PTPRM: variants seen among roughly 807,000 people sequenced by gnomAD.
PTPRM encodes the protein protein tyrosine phosphatase receptor type M, also known as receptor-type tyrosine-protein phosphatase mu.
A neutral mutation model predicts 186.7 loss-of-function variants in PTPRM; 47 were observed. The observed-to-expected ratio is 0.25, with a 90% CI of 0.20 to 0.32. The LOEUF (loss-of-function observed/expected upper bound fraction) is 0.32. PTPRM is among the 10% of genes least tolerant of loss of function. The pLI is 1.00. For synonymous variants in PTPRM, 668 were observed against 674.9 expected, an observed-to-expected ratio of 0.99 and a Z score of 0.16; for missense variants, 1,494 against 1,865.0, an observed-to-expected ratio of 0.80 and a Z score of 3.66.
At chr18:8,323,475 T>C (rs2095357984) in intron 22 of PTPRM, among the ~76,000 whole-genome samples, 1 of 152,206 alleles carries the variant, frequency 6.6e-6, no homozygotes, top group Non-Finnish European at 1.5e-5. Context: ...TGAAAATACA[T>C]GTTAATTATT....
intron 23 of PTPRM, among the ~76,000 whole-genome samples, chr18:8,351,427 C>T (rs1339945030): frequency 1.3e-5 from 2 of 152,190 alleles, no homozygotes; most frequent in African/African-American, 4.8e-5. Context: ...GTAAGGATTA[C>T]AGAATAAATT....
chr18:8,373,868 G>T (rs1453654465), intron 24 of PTPRM, among the ~76,000 whole-genome samples: 1 of 146,778 alleles, frequency 6.8e-6, no homozygotes, highest in Non-Finnish European at 1.5e-5. Flanking sequence ...CTGGGCAACA[G>T]AATGAGACCC....
At chr18:8,091,598 T>C (rs947674453) in intron 11 of PTPRM, among the ~76,000 whole-genome samples, 1 of 151,880 alleles carries the variant, frequency 6.6e-6, no homozygotes, top group Non-Finnish European at 1.5e-5. Flanking sequence ...TTTTTTTTTT[T>C]TTTTTTGCAG....
intron 1 of PTPRM, among the ~76,000 whole-genome samples, chr18:7,759,293 G>A (rs2041657818): frequency 6.6e-6 from 1 of 152,182 alleles, no homozygotes; most frequent in Admixed American, 6.5e-5. Flanking sequence ...GGTATTTAAA[G>A]AATATCTCAA....
chr18:8,085,983 A>G, intron 10 of PTPRM, 111 bp downstream of exon 10: 1 of 1,017,622 alleles, frequency 9.8e-7, no homozygotes, highest in Non-Finnish European at 1.5e-6. Context: ...TATCCAAAGG[A>G]ATACTCCTGG....
chr18:8,053,883 T>G (rs2148289599), intron 7 of PTPRM, among the ~76,000 whole-genome samples: 1 of 152,250 alleles, frequency 6.6e-6, no homozygotes, highest in South Asian at 2.1e-4. Context: ...CCTGGGCTCC[T>G]TATATCATTT....
intron 31 of PTPRM, among the ~76,000 whole-genome samples, chr18:8,390,654 C>T (rs865859735): frequency 2.0e-5 from 3 of 152,196 alleles, no homozygotes; most frequent in South Asian, 4.1e-4. Context: ...CCCAGCCCAG[C>T]GCAGTGGCTC....
At chr18:8,295,704 G>T (rs2095089728) in intron 19 of PTPRM, among the ~76,000 whole-genome samples, 5 of 152,042 alleles carry the variant, frequency 3.3e-5, no homozygotes, top group Admixed American at 3.3e-4. Flanking sequence ...TGGAAATAAA[G>T]ACACACATTT....
At chr18:7,983,030 G>C (rs1347225959) in intron 7 of PTPRM, among the ~76,000 whole-genome samples, 1 of 151,900 alleles carries the variant, frequency 6.6e-6, no homozygotes, top group African/African-American at 2.4e-5. Flanking sequence ...TGTCTTTTTA[G>C]TGCTGTTCAC....
intron 29 of PTPRM, among the ~76,000 whole-genome samples, chr18:8,384,350 T>C (rs1331349461): frequency 6.6e-6 from 1 of 152,000 alleles, no homozygotes; most frequent in Non-Finnish European, 1.5e-5. Context: ...CCCAGCTACT[T>C]GAGAGGTTTA....
chr18:7,905,025 C>T (rs1045952445), intron 3 of PTPRM, among the ~76,000 whole-genome samples: 1 of 151,496 alleles, frequency 6.6e-6, no homozygotes, highest in Admixed American at 6.6e-5. Context: ...CTGAGTTTTG[C>T]TCTTGTTGCC....
chr18:8,249,488 T>C (rs2094507744), intron 17 of PTPRM, among the ~76,000 whole-genome samples: 1 of 152,200 alleles, frequency 6.6e-6, no homozygotes, highest in Admixed American at 6.5e-5. Flanking sequence ...CAGGCTAATC[T>C]TAGGCACCAG....
chr18:7,720,425 G>A (rs1015823496), intron 1 of PTPRM, among the ~76,000 whole-genome samples: 1 of 152,048 alleles, frequency 6.6e-6, no homozygotes, highest in Non-Finnish European at 1.5e-5. Flanking sequence ...AATAAAAGTG[G>A]CTTCTCAAAT....
chr18:7,928,438 G>A (rs76387984), intron 5 of PTPRM, among the ~76,000 whole-genome samples: 1,728 of 152,110 alleles, frequency 0.011, 9 homozygotes, highest in South Asian at 0.033. Flanking sequence ...TTAAAATTCA[G>A]AATTGTTTTC....
chr18:8,016,354 T>A (rs1421919219), intron 7 of PTPRM, among the ~76,000 whole-genome samples: 1 of 151,714 alleles, frequency 6.6e-6, no homozygotes, highest in Non-Finnish European at 1.5e-5. Context: ...ACCTCGTCTC[T>A]ACTGAAAATA....
At chr18:8,150,190 T>G (rs188420628) in intron 14 of PTPRM, among the ~76,000 whole-genome samples, 4 of 152,348 alleles carry the variant, frequency 2.6e-5, no homozygotes, top group African/African-American at 7.2e-5. Context: ...AATGTTAGCC[T>G]GTCTTGCTAG....
At chr18:7,662,987 G>A (rs1326102659) in intron 1 of PTPRM, among the ~76,000 whole-genome samples, 1 of 152,222 alleles carries the variant, frequency 6.6e-6, no homozygotes, top group Non-Finnish European at 1.5e-5. Context: ...GACAGAGTAA[G>A]TGTTCTGAAC....
At chr18:7,600,881 G>A (rs1311659744) in intron 1 of PTPRM, among the ~76,000 whole-genome samples, 1 of 152,224 alleles carries the variant, frequency 6.6e-6, no homozygotes, top group Non-Finnish European at 1.5e-5. Context: ...TGCTGTCAGG[G>A]TTTCAGAGGA....
chr18:7,612,377 A>T (rs1203675841), intron 1 of PTPRM, among the ~76,000 whole-genome samples: 2 of 152,044 alleles, frequency 1.3e-5, no homozygotes, highest in Non-Finnish European at 2.9e-5. Flanking sequence ...CTCATTTTTC[A>T]CTGCATCAGA....
Sources: allele counts gnomAD v4.1 joint callset (sites outside exome capture counted in the v4.1 genomes callset), GRCh38; gene constraint gnomAD v4.1.1; transcripts MANE v1.5; gene names NCBI Gene and HGNC (gene_info 2026-07-23, HGNC 2026-07-21).